The following RNF111 variants were observed in gnomAD, a reference collection of about 807,000 sequenced individuals.
The protein encoded by RNF111 is ring finger protein 111, also known as E3 ubiquitin-protein ligase Arkadia.
RNF111 carries 17 observed loss-of-function variants against 95.1 expected under a neutral mutation model. The observed-to-expected ratio is 0.18, with a 90% CI of 0.12 to 0.27. The LOEUF is 0.27. Ranked by LOEUF, RNF111 falls within the 10% of genes least tolerant of loss-of-function variation. The pLI is 1.00. For missense variants in RNF111, 1,189 were observed against 1,210.4 expected (o/e 0.98, Z 0.26); for synonymous variants, 440 against 414.8 (o/e 1.06, Z -0.74).
intron 1 of RNF111, among the ~76,000 whole-genome samples, chr15:59,020,517 A>T (rs1451673455): frequency 6.6e-6 from 1 of 152,212 alleles, no homozygotes; most frequent in Admixed American, 6.5e-5. Context: ...TAACAGAGTC[A>T]TTGCTAGAGC....
rs746712759 is a variant in RNF111, at chr15:59,005,785, C to T, written c.-20+17717C>T. 6.0e-4 allele frequency among the ~76,000 whole-genome samples: 92 copies of T among 152,278 alleles called. 2 individuals carry two copies. Among genetic ancestry groups the T allele is most frequent in the Admixed American group, 8.5e-4 (13 of 15,296 alleles). On this transcript the variant is annotated intron_variant, in intron 1 of 13. Coordinates refer to ENST00000348370, the MANE Select transcript of RNF111 (RefSeq NM_017610.8). ...GACGATTTCTAAAAACTAGCTGACT[C>T]GTCATCTTTAAAACAACAACAATAA...
chr15:59,026,230 C>T (rs140913535), intron 1 of RNF111, among the ~76,000 whole-genome samples: 222 of 152,236 alleles, frequency 1.5e-3, no homozygotes, highest in African/African-American at 5.2e-3. Flanking sequence ...CTTTTGCTCA[C>T]ATAAACTTGT....
At chr15:59,088,292 A>G (rs981139024) in intron 10 of RNF111, among the ~76,000 whole-genome samples, 1 of 152,122 alleles carries the variant, frequency 6.6e-6, no homozygotes, top group Non-Finnish European at 1.5e-5. Flanking sequence ...GAGGAAAGAG[A>G]CTAGGGAGGA....
intron 6 of RNF111, among the ~76,000 whole-genome samples, chr15:59,073,971 CTA>C (rs2043056974): frequency 6.6e-6 from 1 of 152,184 alleles, no homozygotes; most frequent in African/African-American, 2.4e-5. Flanking sequence ...TCTTTGGTGA[CTA>C]TGTGCATTGT....
At chr15:59,061,337 T>C (rs2042429605) in intron 5 of RNF111, among the ~76,000 whole-genome samples, 1 of 152,172 alleles carries the variant, frequency 6.6e-6, no homozygotes, top group African/African-American at 2.4e-5. Context: ...TTTTTGAATA[T>C]TTCCAACCCT....
chr15:59,025,137 C>T (rs774639547), intron 1 of RNF111, among the ~76,000 whole-genome samples: 7 of 152,190 alleles, frequency 4.6e-5, no homozygotes, highest in Non-Finnish European at 7.3e-5. Context: ...CGCCCTCCTC[C>T]GCCTCCCAAA....
intron 5 of RNF111, among the ~76,000 whole-genome samples, chr15:59,060,333 T>C (rs1043317861): frequency 1.3e-5 from 2 of 151,204 alleles, no homozygotes; most frequent in Admixed American, 1.3e-4. Context: ...CTTGACATGG[T>C]GAGACTCACA....
chr15:59,079,639 T>G (rs1727030110), intron 7 of RNF111, among the ~76,000 whole-genome samples: 1 of 150,278 alleles, frequency 6.7e-6, no homozygotes, highest in African/African-American at 2.4e-5. Context: ...AAATTTGTAT[T>G]GAAATCTAAG....
chr15:58,997,840 A>T (rs1419895516), intron 1 of RNF111, among the ~76,000 whole-genome samples: 1 of 151,616 alleles, frequency 6.6e-6, no homozygotes, highest in Non-Finnish European at 1.5e-5. Context: ...AACCCAAAAA[A>T]TTTGTAAATT....
At chr15:59,072,295 C>T (rs2042964010) in intron 6 of RNF111, among the ~76,000 whole-genome samples, 1 of 152,060 alleles carries the variant, frequency 6.6e-6, no homozygotes, top group South Asian at 2.1e-4. Flanking sequence ...TTCTCTGTAG[C>T]ACATGATGCT....
In RNF111 at chr15:59,031,538, G is replaced by A. The variant is rs767842846; in HGVS notation, c.716G>A (p.Arg239Gln). Residue 239 changes from arginine to glutamine, a missense_variant, in exon 2 of 14, where the codon CGA becomes CAA. Arg to Gln is a conservative substitution (Grantham distance 43). Coordinates refer to ENST00000348370, the MANE Select transcript of RNF111 (RefSeq NM_017610.8). Reference sequence around the variant, plus strand: ...AGGATATTAATGCAGAGGAAGAAACGAGAAGTGTTAGCTCGAAGAAAATAT... The same window carrying A: ...AGGATATTAATGCAGAGGAAGAAACAAGAAGTGTTAGCTCGAAGAAAATAT... The part of the protein sequence containing the change: ...KERILMQRKK[R>Q]EVLARRKYAL... 9 of 1,614,052 alleles carry A rather than the reference G, an allele frequency of 5.6e-6. No homozygotes were observed. The highest frequency in any genetic ancestry group is 2.2e-5 in the South Asian group (2 of 91,082).
intron 2 of RNF111, among the ~76,000 whole-genome samples, chr15:59,043,328 T>C (rs987692125): frequency 6.6e-6 from 1 of 152,042 alleles, no homozygotes; most frequent in Non-Finnish European, 1.5e-5. Flanking sequence ...CTGATTTTTT[T>C]ATTATTTGGT....
At chr15:58,990,627 T>C (rs117893267) in intron 1 of RNF111, among the ~76,000 whole-genome samples, 1,818 of 152,296 alleles carry the variant, frequency 0.012, 16 homozygotes, top group Non-Finnish European at 0.021. Context: ...GCACTCCAGC[T>C]TGGGCGACAG....
intron 2 of RNF111, among the ~76,000 whole-genome samples, chr15:59,045,637 G>T (rs1441204013): frequency 6.6e-6 from 1 of 152,112 alleles, no homozygotes; most frequent in Non-Finnish European, 1.5e-5. Flanking sequence ...AATAAGGAAA[G>T]TTTTTTAAAA....
In RNF111 at chr15:59,072,450, CT is replaced by C. The variant is rs35989790; in HGVS notation, c.1687-3481del. On this transcript the variant is annotated intron_variant, in intron 6 of 13. Transcript: ENST00000348370. Reference sequence around the variant, plus strand: ...CTAAATCTTTCGCTGTCATTTCCATCTTTTTTTTTTTTTTTTTTTTTTTGAG... The same window carrying C: ...CTAAATCTTTCGCTGTCATTTCCATCTTTTTTTTTTTTTTTTTTTTTTGAG... 6.8e-3 allele frequency among the ~76,000 whole-genome samples: 703 copies of C among 102,756 alleles called. 2 individuals carry two copies. Among genetic ancestry groups the C allele is most frequent in the Middle Eastern group, 0.045 (7 of 156 alleles). 67.4% of individuals were successfully genotyped at this position (102,756 alleles called of 152,430 possible).
chr15:59,071,884 A>G (rs2042944929), intron 6 of RNF111, among the ~76,000 whole-genome samples: 1 of 152,198 alleles, frequency 6.6e-6, no homozygotes, highest in African/African-American at 2.4e-5. Flanking sequence ...GAATATTGCA[A>G]TAAAGCAAGT....
chr15:59,004,802 A>G (rs1596050645), intron 1 of RNF111, among the ~76,000 whole-genome samples: 1 of 152,198 alleles, frequency 6.6e-6, no homozygotes, highest in Non-Finnish European at 1.5e-5. Context: ...TCATGTTTTC[A>G]TTGTTAAATA....
At chr15:59,013,930 A>G (rs940800291) in intron 1 of RNF111, among the ~76,000 whole-genome samples, 2 of 151,972 alleles carry the variant, frequency 1.3e-5, no homozygotes. Flanking sequence ...CTGGGGTTAC[A>G]GGCACACGCC....
intron 10 of RNF111, among the ~76,000 whole-genome samples, chr15:59,086,095 C>A (rs16940998): frequency 2.0e-5 from 3 of 151,746 alleles, no homozygotes; most frequent in Admixed American, 6.6e-5. Context: ...GTAATAGATC[C>A]GTTCTGATGC....
Sources: allele counts gnomAD v4.1 joint callset (sites outside exome capture counted in the v4.1 genomes callset), GRCh38; gene constraint gnomAD v4.1.1; transcripts MANE v1.5; gene names NCBI Gene and HGNC (gene_info 2026-07-23, HGNC 2026-07-21).